NRXN3: variants seen among roughly 807,000 people sequenced by gnomAD.
The protein encoded by NRXN3 is neurexin III.
Under a neutral mutation model 137.6 loss-of-function variants are expected in NRXN3, and 32 were observed. That is an observed-to-expected ratio of 0.23 (90% CI 0.18 to 0.31). The LOEUF is 0.31. NRXN3 is among the 10% of genes least tolerant of loss of function. NRXN3 has a pLI of 1.00. For missense variants in NRXN3, 1,574 were observed against 2,062.5 expected (o/e 0.76, Z 4.59); for synonymous variants, 798 against 784.5 (o/e 1.02, Z -0.29).
intron 16 of NRXN3, among the ~76,000 whole-genome samples, chr14:79,559,873 G>A (rs372671193): frequency 2.8e-4 from 42 of 152,260 alleles, no homozygotes; most frequent in African/African-American, 9.6e-4. Context: ...CTTGGAAAAA[G>A]TGTACATGCT....
At chr14:78,675,614 G>T (rs1014629297) in intron 6 of NRXN3, among the ~76,000 whole-genome samples, 1 of 152,164 alleles carries the variant, frequency 6.6e-6, no homozygotes, top group Non-Finnish European at 1.5e-5. Flanking sequence ...GAAATTACAG[G>T]ATCAAATAAA....
chr14:79,661,753 G>C (rs1217814794), intron 16 of NRXN3: 1 of 151,266 alleles, frequency 6.6e-6, no homozygotes, highest in Non-Finnish European at 1.5e-5. Flanking sequence ...CCTCCTTCTG[G>C]TTTTCCTCCT....
chr14:78,523,290 A>C (rs999853498), intron 4 of NRXN3, among the ~76,000 whole-genome samples: 1 of 152,168 alleles, frequency 6.6e-6, no homozygotes, highest in Admixed American at 6.5e-5. Context: ...CTTCCCTGTC[A>C]AGTCCTGAAG....
intron 4 of NRXN3, among the ~76,000 whole-genome samples, chr14:78,404,407 G>T (rs1271921125): frequency 6.6e-6 from 1 of 152,054 alleles, no homozygotes; most frequent in Non-Finnish European, 1.5e-5. Context: ...ACTATTTTGA[G>T]CTGGGCTGAG....
At chr14:78,877,338 A>C (rs1174906602) in intron 10 of NRXN3, among the ~76,000 whole-genome samples, 1 of 152,152 alleles carries the variant, frequency 6.6e-6, no homozygotes, top group Non-Finnish European at 1.5e-5. Context: ...GAAGGTCCCC[A>C]TTCCATGCCT....
chr14:79,136,053 CAGAGTTAAATTTATAGTCACAAAGCA>C (rs2058191090), intron 15 of NRXN3, among the ~76,000 whole-genome samples: 1 of 152,062 alleles, frequency 6.6e-6, no homozygotes, highest in African/African-American at 2.4e-5. Flanking sequence ...AACTGCTGTC[CAGAGTTAAATTTATAGTCACAAAGCA>C]AGAGAAAAGT....
intron 16 of NRXN3, among the ~76,000 whole-genome samples, chr14:79,565,248 T>C (rs143491717): frequency 0.021 from 822 of 38,672 alleles, 10 homozygotes; most frequent in South Asian, 0.14. Flanking sequence ...TATGTGTGTG[T>C]ATATATACAT....
chr14:79,775,011 T>C (rs1031091023), intron 19 of NRXN3, among the ~76,000 whole-genome samples: 1 of 152,004 alleles, frequency 6.6e-6, no homozygotes, highest in African/African-American at 2.4e-5. Flanking sequence ...ACTGAAATTG[T>C]TAAATGGAAT....
At chr14:78,565,390 G>A (rs2096827626) in intron 4 of NRXN3, among the ~76,000 whole-genome samples, 1 of 152,316 alleles carries the variant, frequency 6.6e-6, no homozygotes, top group South Asian at 2.1e-4. Flanking sequence ...CAGTGTGAGA[G>A]AATTTTTAAA....
intron 16 of NRXN3, among the ~76,000 whole-genome samples, chr14:79,545,352 C>T (rs1342235324): frequency 1.3e-5 from 2 of 152,088 alleles, no homozygotes; most frequent in Non-Finnish European, 2.9e-5. Context: ...CTTTCTTTGG[C>T]TCATGGGCCC....
intron 15 of NRXN3, among the ~76,000 whole-genome samples, chr14:79,452,459 T>G (rs1428365751): frequency 6.6e-6 from 1 of 152,164 alleles, no homozygotes; most frequent in Non-Finnish European, 1.5e-5. Context: ...ATATTAGAAC[T>G]AAGATGAGGG....
chr14:79,699,520 G>A (rs749177959), intron 19 of NRXN3, among the ~76,000 whole-genome samples: 4 of 151,936 alleles, frequency 2.6e-5, no homozygotes, highest in East Asian at 1.9e-4. Flanking sequence ...ACGGGGATTC[G>A]GGAACCAAGC....
At chr14:79,081,010 C>T (rs2046886899) in intron 15 of NRXN3, among the ~76,000 whole-genome samples, 1 of 152,106 alleles carries the variant, frequency 6.6e-6, no homozygotes, top group South Asian at 2.1e-4. Flanking sequence ...TTCCCTTCTC[C>T]ATCCCCTAAG....
intron 10 of NRXN3, among the ~76,000 whole-genome samples, chr14:78,818,599 T>G (rs985920780): frequency 1.3e-5 from 2 of 152,144 alleles, no homozygotes; most frequent in Non-Finnish European, 2.9e-5. Context: ...TTGGGCCATA[T>G]TTTGGTTGAA....
intron 10 of NRXN3, among the ~76,000 whole-genome samples, chr14:78,877,069 C>A (rs576755790): frequency 1.2e-4 from 18 of 152,270 alleles, no homozygotes; most frequent in African/African-American, 4.1e-4. Flanking sequence ...ATATTTCATT[C>A]AAATTCAACA....
intron 15 of NRXN3, among the ~76,000 whole-genome samples, chr14:79,438,414 T>C (rs1375885408): frequency 6.6e-6 from 1 of 152,204 alleles, no homozygotes; most frequent in Non-Finnish European, 1.5e-5. Flanking sequence ...TTGTGTTTGA[T>C]AAAGTGCTTA....
intron 16 of NRXN3, among the ~76,000 whole-genome samples, chr14:79,622,340 C>G (rs2098233262): frequency 6.6e-6 from 1 of 152,164 alleles, no homozygotes; most frequent in Admixed American, 6.5e-5. Flanking sequence ...TCTTTTAGAA[C>G]TGTTAGTCAA....
intron 6 of NRXN3, among the ~76,000 whole-genome samples, chr14:78,676,623 A>G (rs1458217950): frequency 6.6e-6 from 1 of 152,214 alleles, no homozygotes; most frequent in Non-Finnish European, 1.5e-5. Flanking sequence ...GTTATCCAGA[A>G]GATCTAGGTA....
Position 79,319,778 on chromosome 14 carries a change from G to C in NRXN3, c.3263-147443G>C, listed in dbSNP as rs147384020. Among the ~76,000 whole-genome samples the C allele has an allele frequency of 5.6e-3, 857 of 152,252 alleles. 6 individuals carry two copies. Among genetic ancestry groups the C allele is most frequent in the Non-Finnish European group, 7.5e-3 (508 of 68,006 alleles). On this transcript the variant is annotated intron_variant, in intron 15 of 20. Coordinates refer to ENST00000335750, the MANE Select transcript of NRXN3 (RefSeq NM_001330195.2). ...TGGCTTGAGTAAAGATCTCATTGCA[G>C]TTGAGTACTAGCAGTACCACTACTC...
Sources: gnomAD v4.1 joint callset for allele counts (sites outside exome capture counted in the v4.1 genomes callset) on GRCh38, gnomAD v4.1.1 for gene constraint, MANE v1.5 for transcripts, NCBI Gene and HGNC (gene_info 2026-07-23, HGNC 2026-07-21) for gene names.